The following CABCOCO1 variants were observed in gnomAD, a reference collection of about 807,000 sequenced individuals.
The protein encoded by CABCOCO1 is ciliary associated calcium binding coiled-coil 1.
A neutral mutation model predicts 35.7 loss-of-function variants in CABCOCO1; 28 were observed. That is an observed-to-expected ratio of 0.78 (90% CI 0.58 to 1.07). CABCOCO1 has a LOEUF of 1.07. Ranked by LOEUF, CABCOCO1 falls within the 50% of genes least tolerant of loss-of-function variation. The probability of loss-of-function intolerance (pLI) is 0.00; values close to 1 mark genes in which losing one functional copy is unlikely to be tolerated. For synonymous variants in CABCOCO1, 95 were observed against 100.1 expected, an observed-to-expected ratio of 0.95 and a Z score of 0.30; for missense variants, 326 against 309.2, an observed-to-expected ratio of 1.05 and a Z score of -0.41.
At chr10:61,691,000 A>AT (rs944525320) in intron 5 of CABCOCO1, among the ~76,000 whole-genome samples, 9 of 151,978 alleles carry the variant, frequency 5.9e-5, no homozygotes, top group African/African-American at 1.4e-4. Flanking sequence ...CTAATTTCAC[A>AT]TTTTTTTTCA....
intron 5 of CABCOCO1, among the ~76,000 whole-genome samples, chr10:61,699,924 C>T (rs1840405720): frequency 6.6e-6 from 1 of 151,984 alleles, no homozygotes; most frequent in South Asian, 2.1e-4. Flanking sequence ...TAATTGTTCA[C>T]TAAATCAATT....
chr10:61,665,553 TA>T (rs1433922529), intron 1 of CABCOCO1, among the ~76,000 whole-genome samples: 1 of 60,694 alleles, frequency 1.6e-5, no homozygotes, highest in South Asian at 4.7e-4. Flanking sequence ...TTTGTATCAA[TA>T]ATTTTTTTCA....
intron 5 of CABCOCO1, among the ~76,000 whole-genome samples, chr10:61,758,519 T>G (rs1841944569): frequency 1.3e-5 from 2 of 152,112 alleles, no homozygotes; most frequent in South Asian, 4.1e-4. Context: ...TGATTAACAT[T>G]TAGTTGACTT....
At chr10:61,761,805 T>C (rs1256541059) in intron 7 of CABCOCO1, among the ~76,000 whole-genome samples, 1 of 152,124 alleles carries the variant, frequency 6.6e-6, no homozygotes, top group Non-Finnish European at 1.5e-5. Context: ...AAGCCCACTG[T>C]ATTAACAACT....
chr10:61,669,158 A>C (rs1460514237), intron 1 of CABCOCO1, among the ~76,000 whole-genome samples: 2 of 151,930 alleles, frequency 1.3e-5, no homozygotes, highest in East Asian at 1.9e-4. Context: ...AATTTTTTTT[A>C]TATAAAGCAC....
intron 5 of CABCOCO1, among the ~76,000 whole-genome samples, chr10:61,710,840 G>T (rs1194626028): frequency 6.6e-6 from 1 of 151,834 alleles, no homozygotes; most frequent in Non-Finnish European, 1.5e-5. Flanking sequence ...ACAGGAAGAA[G>T]ATGGGTACAC....
At chr10:61,753,609 C>T (rs928816631) in intron 5 of CABCOCO1, among the ~76,000 whole-genome samples, 1 of 152,012 alleles carries the variant, frequency 6.6e-6, no homozygotes, top group South Asian at 2.1e-4. Flanking sequence ...CAACCACAGG[C>T]CATATTTGAA....
intron 5 of CABCOCO1, among the ~76,000 whole-genome samples, chr10:61,756,109 CA>C (rs772274302): frequency 1.4e-4 from 21 of 151,970 alleles, no homozygotes; most frequent in Non-Finnish European, 3.1e-4. Context: ...AATGAAATTT[CA>C]TACTGACGAG....
intron 1 of CABCOCO1, among the ~76,000 whole-genome samples, chr10:61,664,836 TTAGA>T (rs1839116985): frequency 6.6e-6 from 1 of 152,220 alleles, no homozygotes; most frequent in Non-Finnish European, 1.5e-5. Context: ...GTGTCGTATG[TTAGA>T]TAGAAAAATG....
chr10:61,729,164 C>CT (rs1196040025), intron 5 of CABCOCO1, among the ~76,000 whole-genome samples: 2 of 151,938 alleles, frequency 1.3e-5, no homozygotes, highest in Non-Finnish European at 2.9e-5. Context: ...CTAAGAGGGC[C>CT]AGAACAATAC....
Position 61,681,218 on chromosome 10 carries a change from A to G in CABCOCO1, c.240A>G (p.Val80=). 2.6e-6 allele frequency: 4 copies of G among 1,553,670 alleles called. No individual in the cohort carries two copies. Among genetic ancestry groups the G allele is most frequent in the South Asian group, 1.2e-5 (1 of 84,258 alleles). Residue 80 remains valine, a synonymous_variant, in exon 3 of 8, where the codon GTA becomes GTG. Coordinates refer to ENST00000648843, the MANE Select transcript of CABCOCO1 (RefSeq NM_001366906.2). ...LKDAILLDYY[V]SGFLWARGMD... ...ATGCCATTCTACTAGATTATTATGTATCTGGATTTTTGTGGGCTAGAGGAA... is the reference window on the plus strand; with the variant it reads ...ATGCCATTCTACTAGATTATTATGTGTCTGGATTTTTGTGGGCTAGAGGAA...
intron 5 of CABCOCO1, among the ~76,000 whole-genome samples, chr10:61,736,392 T>C (rs1841416910): frequency 6.6e-6 from 1 of 152,298 alleles, no homozygotes. Flanking sequence ...ATTTATTTAA[T>C]AGGGGATCTT....
At chr10:61,765,488 GTGT>G (rs1842089380) in intron 7 of CABCOCO1, among the ~76,000 whole-genome samples, 1 of 152,160 alleles carries the variant, frequency 6.6e-6, no homozygotes, top group South Asian at 2.1e-4. Context: ...AAGGTTATTT[GTGT>G]TGTTATTTCA....
intron 3 of CABCOCO1, among the ~76,000 whole-genome samples, chr10:61,683,307 C>T (rs1839855650): frequency 6.6e-6 from 1 of 151,946 alleles, no homozygotes; most frequent in South Asian, 2.1e-4. Context: ...TACCTGTAAT[C>T]CCAGCACTTT....
At chr10:61,672,807 A>T in intron 2 of CABCOCO1, 72 bp downstream of exon 2, 1 of 888,146 alleles carries the variant, frequency 1.1e-6, no homozygotes, top group Non-Finnish European at 1.3e-6. Context: ...GATTGTGATT[A>T]CATGTATAAG....
At chr10:61,758,976 C>G (rs973192177) in intron 5 of CABCOCO1, among the ~76,000 whole-genome samples, 14 of 151,788 alleles carry the variant, frequency 9.2e-5, no homozygotes, top group African/African-American at 1.9e-4. Context: ...ATTGTAGAGA[C>G]ATTAAAAATG....
At chr10:61,738,092 T>C (rs897899467) in intron 5 of CABCOCO1, among the ~76,000 whole-genome samples, 17 of 150,642 alleles carry the variant, frequency 1.1e-4, no homozygotes, top group African/African-American at 4.1e-4. Flanking sequence ...CCCACCACTA[T>C]TCTAATTCAA....
At chr10:61,689,864 T>G (rs1428402827) in intron 4 of CABCOCO1, among the ~76,000 whole-genome samples, 18 of 152,158 alleles carry the variant, frequency 1.2e-4, no homozygotes, top group Admixed American at 1.2e-3. Flanking sequence ...CTCCTTAAAC[T>G]TACTAGAATA....
intron 5 of CABCOCO1, among the ~76,000 whole-genome samples, chr10:61,717,828 A>T (rs1840903957): frequency 6.6e-6 from 1 of 152,200 alleles, no homozygotes; most frequent in Non-Finnish European, 1.5e-5. Context: ...TAGAAAGGTT[A>T]GCAAAGAATA....
Sources: gnomAD v4.1 joint callset for allele counts (sites outside exome capture counted in the v4.1 genomes callset) on GRCh38, gnomAD v4.1.1 for gene constraint, MANE v1.5 for transcripts, NCBI Gene and HGNC (gene_info 2026-07-23, HGNC 2026-07-21) for gene names.